Variants in TP53INP2 observed in about 807,000 individuals in gnomAD.
TP53INP2 encodes tumor protein p53 inducible nuclear protein 2.
Under a neutral mutation model 17.1 loss-of-function variants are expected in TP53INP2, and 12 were observed. That is an observed-to-expected ratio of 0.70 (90% CI 0.45 to 1.14). TP53INP2 has a LOEUF of 1.14. TP53INP2 is among the 50% of genes most tolerant of loss of function. The pLI is 0.00. For missense variants in TP53INP2, 342 were observed against 330.9 expected, an observed-to-expected ratio of 1.03 and a Z score of -0.26; for synonymous variants, 145 against 147.3, an observed-to-expected ratio of 0.98 and a Z score of 0.12.
At chr20:34,705,251 A>C (rs1280307930) in intron 1 of TP53INP2, 107 bp from the exon 2 acceptor site, 3 of 152,252 alleles carry the variant, frequency 2.0e-5, no homozygotes, top group African/African-American at 7.2e-5. Context: ...GGCTCAGTAC[A>C]AGTGGTAAGA....
chr20:34,708,342 A>T (rs538274331), intron 2 of TP53INP2, among the ~76,000 whole-genome samples: 2 of 152,160 alleles, frequency 1.3e-5, no homozygotes, highest in African/African-American at 4.8e-5. Flanking sequence ...CTCATTCAAT[A>T]ACTTTGGTAT....
Position 34,710,259 on chromosome 20 carries a change from C to G in TP53INP2, c.615C>G (p.Asn205Lys), listed in dbSNP as rs779811137. Reference protein sequence around the residue: ...ARESRPRRSKNQSSFIYQPCQ... With the variant: ...ARESRPRRSKKQSSFIYQPCQ... Reference sequence around the variant, plus strand: ...AGAGCCGTCCGCGCCGGTCCAAGAACCAGAGCAGCTTCATCTACCAGCCGT... The same window carrying G: ...AGAGCCGTCCGCGCCGGTCCAAGAAGCAGAGCAGCTTCATCTACCAGCCGT... Residue 205 changes from asparagine to lysine, a missense_variant, in exon 5 of 5, where the codon AAC becomes AAG. Physicochemically the swap from Asn to Lys is moderately conservative, Grantham distance 94. Transcript: ENST00000374810. The surrounding 1 kb of genome is among the most constrained non-coding windows in gnomAD (Gnocchi z 4.9). 21 of 1,468,816 alleles carry G rather than the reference C, an allele frequency of 1.4e-5. No individual in the cohort carries two copies. The highest frequency in any genetic ancestry group is 6.9e-5 in the South Asian group (5 of 72,820). 91.0% of individuals were successfully genotyped at this position (1,468,816 alleles called of 1,614,324 possible). A position where few individuals can be genotyped will look rare whatever the true frequency, so the allele number is the denominator to read the frequency against.
chr20:34,706,336 T>G (rs1340938500), intron 2 of TP53INP2, among the ~76,000 whole-genome samples: 3 of 152,340 alleles, frequency 2.0e-5, no homozygotes, highest in African/African-American at 7.2e-5. Flanking sequence ...GTCTTCTTTC[T>G]GATCATCAGA....
Position 34,709,469 on chromosome 20 carries a change from G to A in TP53INP2, c.358G>A (p.Gly120Arg), listed in dbSNP as rs372539271. 9 of 1,613,298 alleles carry A rather than the reference G, an allele frequency of 5.6e-6. No homozygotes were observed. Among genetic ancestry groups the A allele is most frequent in the Admixed American group, 1.7e-5 (1 of 60,028 alleles). The part of the protein sequence containing the change: ...VTGSTIVLEP[G>R]SPSPLPDAAL... The stretch of plus-strand genomic sequence containing the variant: ...CGGCAGCACCATAGTGCTAGAGCCC[G>A]GGTCCCCTTCCCCGCTCCCGGACGC... The change falls in exon 4 of 5, where the codon GGG (glycine) becomes AGG (arginine). Residue 120 changes from glycine to arginine, a missense_variant. Gly to Arg is a moderately radical substitution (Grantham distance 125). Coordinates refer to ENST00000374810, the MANE Select transcript of TP53INP2 (RefSeq NM_021202.3). The surrounding 1 kb of genome is among the most constrained non-coding windows in gnomAD (Gnocchi z 5.4).
At position 34,710,220 on chromosome 20, in the gene TP53INP2, G is replaced by A; in HGVS notation, c.576G>A (p.Gln192=). 1 of 1,488,434 alleles carries A rather than the reference G, an allele frequency of 6.7e-7. No individual in the cohort carries two copies. The highest frequency in any genetic ancestry group is 9.0e-7 in the Non-Finnish European group (1 of 1,109,898). 92.2% of individuals were successfully genotyped at this position (1,488,434 alleles called of 1,614,324 possible). ...TGAGCGCCAAGGCGGTGCAGCGGCA[G>A]AACCGAGCCCGCGAGAGCCGTCCGC... is the stretch of plus-strand genomic sequence containing the variant. The part of the protein sequence containing the change: ...HALSAKAVQR[Q]NRARESRPRR... Residue 192 remains glutamine (Q), a synonymous_variant, in exon 5 of 5, where the codon CAG becomes CAA. Transcript: ENST00000374810. This position sits in a 1 kb window ranked among gnomAD's most constrained non-coding sequence, Gnocchi z 4.9.
chr20:34,710,418 G>A lies in TP53INP2; in HGVS notation c.*111G>A. Reference sequence around the variant, plus strand: ...CCCTTCTTAAAGCGTGTGAGGTTGGGTGATAGCCGTTCCTTCCCCGACACC... The same window carrying A: ...CCCTTCTTAAAGCGTGTGAGGTTGGATGATAGCCGTTCCTTCCCCGACACC... On this transcript the variant is annotated 3_prime_UTR_variant, in exon 5 of 5. Coordinates refer to ENST00000374810, the MANE Select transcript of TP53INP2 (RefSeq NM_021202.3). This position sits in a 1 kb window ranked among gnomAD's most constrained non-coding sequence, Gnocchi z 4.9. The A allele has an allele frequency of 8.5e-7, 1 of 1,175,266 alleles. No homozygotes were observed. The highest frequency in any genetic ancestry group is 2.1e-4 in the Middle Eastern group (1 of 4,692). 72.8% of individuals were successfully genotyped at this position (1,175,266 alleles called of 1,614,324 possible).
At position 34,709,511 on chromosome 20, in the gene TP53INP2, G is replaced by T. The variant is rs1354701556; in HGVS notation, c.400G>T (p.Asp134Tyr). ...CCCGGACGCGGCCCTGCCTGACGGCGACCTCAGCGAAGGGTGAGCGGGCCG... is the reference window on the plus strand; with the variant it reads ...CCCGGACGCGGCCCTGCCTGACGGCTACCTCAGCGAAGGGTGAGCGGGCCG... ...PLPDAALPDGDLSEGELTPAR... is the reference protein window; with the variant it reads ...PLPDAALPDGYLSEGELTPAR... The change falls in exon 4 of 5, where the codon GAC becomes TAC. Residue 134 changes from aspartate to tyrosine, a missense_variant. Coordinates refer to ENST00000374810, the MANE Select transcript of TP53INP2 (RefSeq NM_021202.3). This position sits in a 1 kb window ranked among gnomAD's most constrained non-coding sequence, Gnocchi z 5.4. The T allele has an allele frequency of 1.2e-6, 2 of 1,607,922 alleles. No homozygotes were observed. The highest frequency in any genetic ancestry group is 8.5e-7 in the Non-Finnish European group (1 of 1,179,576).
rs2146828748 is a variant in TP53INP2, at chr20:34,710,138, AGGC to A, written c.497_499del (p.Ala166del). The A allele has an allele frequency of 7.9e-7, 1 of 1,270,060 alleles. No individual in the cohort carries two copies. The highest frequency in any genetic ancestry group is 3.2e-5 in the East Asian group (1 of 31,676). The allele number at this position is 1,270,060 out of a possible 1,614,324, so 78.7% of individuals were successfully genotyped here. A position where few individuals can be genotyped will look rare whatever the true frequency, so the allele number is the denominator to read the frequency against. ...CCAGCGCGGGCGGCGCTGCTGGAGA[AGGC>A]GGGCCAGGTGCGGCGGCTGCAGCGG... On this transcript the variant is annotated inframe_deletion, in exon 5 of 5. Coordinates refer to ENST00000374810, the MANE Select transcript of TP53INP2 (RefSeq NM_021202.3). The surrounding 1 kb of genome is among the most constrained non-coding windows in gnomAD (Gnocchi z 4.9).
Position 34,710,082 on chromosome 20 carries a change from G to A in TP53INP2, c.438G>A (p.Glu146=), listed in dbSNP as rs758283959. The change falls in exon 5 of 5, where the codon GAG becomes GAA. Residue 146 remains glutamate, a synonymous_variant. Transcript: ENST00000374810. This position sits in a 1 kb window ranked among gnomAD's most constrained non-coding sequence, Gnocchi z 4.9. ...SEGELTPARR[E]PRAARHAAPL... ...GGGAATTGACGCCCGCCCGCCGCGA[G>A]CCGCGGGCCGCGCGCCACGCCGCTC... The A allele has an allele frequency of 7.8e-7, 1 of 1,274,814 alleles. No homozygotes were observed. The highest frequency in any genetic ancestry group is 9.9e-7 in the Non-Finnish European group (1 of 1,014,148). 79.0% of individuals were successfully genotyped at this position (1,274,814 alleles called of 1,614,324 possible). A position where few individuals can be genotyped will look rare whatever the true frequency, so the allele number is the denominator to read the frequency against.
chr20:34,710,104 G>A lies in TP53INP2; in HGVS notation c.460G>A (p.Ala154Thr). 7.9e-7 allele frequency: 1 copy of A among 1,270,578 alleles called. No individual in the cohort carries two copies. The highest frequency in any genetic ancestry group is 9.9e-7 in the Non-Finnish European group (1 of 1,011,930). 78.7% of individuals were successfully genotyped at this position (1,270,578 alleles called of 1,614,324 possible). A position where few individuals can be genotyped will look rare whatever the true frequency, so the allele number is the denominator to read the frequency against. The change falls in exon 5 of 5, where the codon GCT (alanine) becomes ACT (threonine). Residue 154 changes from alanine (A) to threonine (T), a missense_variant. Physicochemically the swap from Ala to Thr is moderately conservative, Grantham distance 58 (BLOSUM62 0). Transcript: ENST00000374810. This position sits in a 1 kb window ranked among gnomAD's most constrained non-coding sequence, Gnocchi z 4.9. ...RREPRAARHAAPLPARAALLE... is the reference protein window; with the variant it reads ...RREPRAARHATPLPARAALLE... ...CGAGCCGCGGGCCGCGCGCCACGCC[G>A]CTCCTCTCCCAGCGCGGGCGGCGCT...
At chr20:34,708,960 C>A (rs1279584404) in intron 3 of TP53INP2, 97 bp downstream of exon 3, 1 of 1,514,486 alleles carries the variant, frequency 6.6e-7, no homozygotes, top group Non-Finnish European at 8.9e-7. Context: ...ACGGGGGAGT[C>A]CCCCAAGCCT....
At position 34,709,448 on chromosome 20, in the gene TP53INP2, A is replaced by G; in HGVS notation, c.337A>G (p.Ser113Gly). ...CAGCATGTCCGTTTACGTCACCGGC[A>G]GCACCATAGTGCTAGAGCCCGGGTC... ...HPSMSVYVTG[S>G]TIVLEPGSPS... The change falls in exon 4 of 5, where the codon AGC (serine) becomes GGC (glycine). Residue 113 changes from serine (S) to glycine (G), a missense_variant. Transcript: ENST00000374810. This position sits in a 1 kb window ranked among gnomAD's most constrained non-coding sequence, Gnocchi z 5.4. The G allele has an allele frequency of 1.2e-6, 2 of 1,613,802 alleles. No homozygotes were observed. Among genetic ancestry groups the G allele is most frequent in the African/African-American group, 2.7e-5 (2 of 75,024 alleles).
rs1016336289 is a variant in TP53INP2, at chr20:34,709,026, G to T, written c.124+163G>T. 3.3e-5 allele frequency among the ~76,000 whole-genome samples: 5 copies of T among 152,030 alleles called. No individual in the cohort carries two copies. The highest frequency in any genetic ancestry group is 1.2e-4 in the African/African-American group (5 of 41,416). ...ATGAAAGCCGGGGCTCTCTCCTGGCGGCCCAGGAGAGGCCCGCACGTCAGG... is the reference window on the plus strand; with the variant it reads ...ATGAAAGCCGGGGCTCTCTCCTGGCTGCCCAGGAGAGGCCCGCACGTCAGG... On this transcript the variant is annotated intron_variant, in intron 3 of 4. Transcript: ENST00000374810. The surrounding 1 kb of genome is among the most constrained non-coding windows in gnomAD (Gnocchi z 5.4).
chr20:34,708,550 T>G, intron 2 of TP53INP2, 141 bp from the exon 3 acceptor site: 1 of 478,848 alleles, frequency 2.1e-6, no homozygotes, highest in Non-Finnish European at 3.7e-6. Context: ...AGAAAGCACA[T>G]CTTCCCAAAG....
chr20:34,709,692 C>T lies in TP53INP2; in HGVS notation c.413+168C>T, dbSNP rs1988117755. ...ACAAAGTGGGGGGCCGGTGGGCCTC[C>T]GGGCGAGGCTAGAAGCGGGCCTGAG... On this transcript the variant is annotated intron_variant, in intron 4 of 4. Coordinates refer to ENST00000374810, the MANE Select transcript of TP53INP2 (RefSeq NM_021202.3). This position sits in a 1 kb window ranked among gnomAD's most constrained non-coding sequence, Gnocchi z 5.4. Among the ~76,000 whole-genome samples the T allele has an allele frequency of 6.6e-6, 1 of 151,800 alleles. No individual in the cohort carries two copies. The highest frequency in any genetic ancestry group is 1.5e-5 in the Non-Finnish European group (1 of 67,930).
rs770282699 is a variant in TP53INP2 at position 34,711,557 on chromosome 20, G to T, written c.*1250G>T. ...TATCCAGGTTCAGGGCCTTCAGGGG[G>T]CCTCTTTTCATTTTCTCCCACAGGC... On this transcript the variant is annotated 3_prime_UTR_variant, in exon 5 of 5. Coordinates refer to ENST00000374810, the MANE Select transcript of TP53INP2 (RefSeq NM_021202.3). This position sits in a 1 kb window ranked among gnomAD's most constrained non-coding sequence, Gnocchi z 4.1. 6.6e-6 allele frequency: 1 copy of T among 152,172 alleles called. No individual in the cohort carries two copies. 9.4% of individuals were successfully genotyped at this position (152,172 alleles called of 1,614,324 possible). A position where few individuals can be genotyped will look rare whatever the true frequency, so the allele number is the denominator to read the frequency against.
At position 34,710,076 on chromosome 20, in the gene TP53INP2, C is replaced by G. The variant is rs1285832235; in HGVS notation, c.432C>G (p.Arg144=). Reference sequence around the variant, plus strand: ...CTCACAGGGAATTGACGCCCGCCCGCCGCGAGCCGCGGGCCGCGCGCCACG... The same window carrying G: ...CTCACAGGGAATTGACGCCCGCCCGGCGCGAGCCGCGGGCCGCGCGCCACG... ...DLSEGELTPA[R]REPRAARHAA... Residue 144 remains arginine, a synonymous_variant, in exon 5 of 5, where the codon CGC becomes CGG. Coordinates refer to ENST00000374810, the MANE Select transcript of TP53INP2 (RefSeq NM_021202.3). The surrounding 1 kb of genome is among the most constrained non-coding windows in gnomAD (Gnocchi z 4.9). 2 of 1,267,904 alleles carry G rather than the reference C, an allele frequency of 1.6e-6. No individual in the cohort carries two copies. Among genetic ancestry groups the G allele is most frequent in the Admixed American group, 4.1e-5 (1 of 24,450 alleles). 78.5% of individuals were successfully genotyped at this position (1,267,904 alleles called of 1,614,324 possible). A position where few individuals can be genotyped will look rare whatever the true frequency, so the allele number is the denominator to read the frequency against.
At position 34,709,031 on chromosome 20, in the gene TP53INP2, A is replaced by T. The variant is rs1242858199; in HGVS notation, c.124+168A>T. 6.6e-6 allele frequency among the ~76,000 whole-genome samples: 1 copy of T among 152,022 alleles called. No homozygotes were observed. The highest frequency in any genetic ancestry group is 1.5e-5 in the Non-Finnish European group (1 of 67,966). On this transcript the variant is annotated intron_variant, in intron 3 of 4. Transcript: ENST00000374810. The surrounding 1 kb of genome is among the most constrained non-coding windows in gnomAD (Gnocchi z 5.4). ...AGCCGGGGCTCTCTCCTGGCGGCCC[A>T]GGAGAGGCCCGCACGTCAGGTCCCC...
Position 34,710,266 on chromosome 20 carries a change from A to G in TP53INP2, c.622A>G (p.Ser208Gly). The change falls in exon 5 of 5, where the codon AGC (serine) becomes GGC (glycine). Residue 208 changes from serine to glycine, a missense_variant. Physicochemically the swap from Ser to Gly is moderately conservative, Grantham distance 56 (BLOSUM62 0). Transcript: ENST00000374810. The surrounding 1 kb of genome is among the most constrained non-coding windows in gnomAD (Gnocchi z 4.9). ...SRPRRSKNQSSFIYQPCQRQF... is the reference protein window; with the variant it reads ...SRPRRSKNQSGFIYQPCQRQF... ...TCCGCGCCGGTCCAAGAACCAGAGCAGCTTCATCTACCAGCCGTGCCAGCG... is the reference window on the plus strand; with the variant it reads ...TCCGCGCCGGTCCAAGAACCAGAGCGGCTTCATCTACCAGCCGTGCCAGCG... 1 of 1,450,876 alleles carries G rather than the reference A, an allele frequency of 6.9e-7. No individual in the cohort carries two copies. 89.9% of individuals were successfully genotyped at this position (1,450,876 alleles called of 1,614,324 possible). A position where few individuals can be genotyped will look rare whatever the true frequency, so the allele number is the denominator to read the frequency against.
Sources: gnomAD v4.1 joint callset for allele counts (sites outside exome capture counted in the v4.1 genomes callset) on GRCh38, gnomAD v4.1.1 for gene constraint, Gnocchi (gnomAD v3.1) non-coding constraint, MANE v1.5 for transcripts, NCBI Gene and HGNC (gene_info 2026-07-23, HGNC 2026-07-21) for gene names.